The following ACAP2 variants were observed in gnomAD, a reference collection of about 807,000 sequenced individuals.
ACAP2 encodes ArfGAP with coiled-coil, ankyrin repeat and PH domains 2, also known as arf-GAP with coiled-coil, ANK repeat and PH domain-containing protein 2.
A neutral mutation model predicts 115.8 loss-of-function variants in ACAP2; 39 were observed. The ratio of observed to expected loss-of-function variants is 0.34; its 90% CI spans 0.26 to 0.44. The LOEUF (loss-of-function observed/expected upper bound fraction) is 0.44. Among genes scored for constraint, ACAP2 ranks in the 20% least tolerant of loss-of-function variants. The probability of loss-of-function intolerance (pLI) is 1.00; values close to 1 mark genes in which losing one functional copy is unlikely to be tolerated. For synonymous variants in ACAP2, 289 were observed against 315.8 expected, an observed-to-expected ratio of 0.92 and a Z score of 0.90; for missense variants, 662 against 927.6, an observed-to-expected ratio of 0.71 and a Z score of 3.72.
chr3:195,424,244 GGTGT>G (rs58166272), intron 1 of ACAP2, among the ~76,000 whole-genome samples: 1 of 69,614 alleles, frequency 1.4e-5, no homozygotes, highest in Non-Finnish European at 2.7e-5. Context: ...GTGTGTGTGT[GGTGT>G]GTGTGTGTGT....
intron 1 of ACAP2, among the ~76,000 whole-genome samples, chr3:195,422,330 A>G (rs539748527): frequency 4.1e-4 from 62 of 151,688 alleles, no homozygotes; most frequent in African/African-American, 1.5e-3. Context: ...ACACATAATA[A>G]TAACAAAAAA....
intron 1 of ACAP2, among the ~76,000 whole-genome samples, chr3:195,436,385 C>G (rs752240715): frequency 6.6e-6 from 1 of 152,086 alleles, no homozygotes; most frequent in Non-Finnish European, 1.5e-5. Context: ...CTGCCCACCT[C>G]AGCCTCCCAA....
At chr3:195,412,892 A>C (rs936281418) in intron 1 of ACAP2, 2 of 456,426 alleles carry the variant, frequency 4.4e-6, no homozygotes, top group Non-Finnish European at 8.8e-6. Context: ...GCAAGCGGTA[A>C]AACAAGCCCC....
chr3:195,322,650 C>A (rs79347147), intron 9 of ACAP2, among the ~76,000 whole-genome samples: 2,433 of 151,956 alleles, frequency 0.016, 70 homozygotes, highest in African/African-American at 0.056. Context: ...ATTTATTTGA[C>A]GCTACAATTT....
intron 9 of ACAP2, among the ~76,000 whole-genome samples, chr3:195,321,153 A>G (rs570198699): frequency 2.6e-5 from 4 of 152,200 alleles, no homozygotes; most frequent in African/African-American, 9.6e-5. Flanking sequence ...ATACAAATAA[A>G]CAAGGGAAAC....
chr3:195,342,354 T>C (rs958162398), intron 6 of ACAP2, 117 bp downstream of exon 6: 2 of 1,010,214 alleles, frequency 2.0e-6, no homozygotes, highest in South Asian at 2.3e-5. Context: ...CCTAAGATTA[T>C]GTTTTAACTT....
At position 195,376,294 on chromosome 3, in the gene ACAP2, G is replaced by A. The variant is rs531548346; in HGVS notation, c.285+4715C>T. Among the ~76,000 whole-genome samples, 65 of 152,086 alleles carry A rather than the reference G, an allele frequency of 4.3e-4. No individual in the cohort carries two copies. In the Middle Eastern group the frequency reaches 0.017, roughly 40 times the overall value. On this transcript the variant is annotated intron_variant, in intron 4 of 22. Coordinates refer to ENST00000326793, the MANE Select transcript of ACAP2 (RefSeq NM_012287.6). ...CTGTAGTCCCAGCTACTCGGGAGGC[G>A]GATGCACAAGAATCACTTGAACCTG...
At chr3:195,332,521 T>C (rs1213625479) in intron 8 of ACAP2, among the ~76,000 whole-genome samples, 3 of 152,220 alleles carry the variant, frequency 2.0e-5, no homozygotes, top group Non-Finnish European at 4.4e-5. Flanking sequence ...ATAAATCTGC[T>C]ATAGCATCCA....
At chr3:195,396,332 G>C (rs1368868413) in intron 1 of ACAP2, among the ~76,000 whole-genome samples, 1 of 151,330 alleles carries the variant, frequency 6.6e-6, no homozygotes, top group East Asian at 1.9e-4. Flanking sequence ...TGAAATGAAT[G>C]AGGCTCAAAA....
intron 1 of ACAP2, chr3:195,411,089 G>A (rs747083872): frequency 5.1e-5 from 13 of 252,800 alleles, no homozygotes; most frequent in Non-Finnish European, 9.7e-5. Flanking sequence ...AGACTAAGAA[G>A]CCATCTCACA....
intron 7 of ACAP2, among the ~76,000 whole-genome samples, chr3:195,333,852 G>A (rs185008737): frequency 9.9e-5 from 15 of 152,264 alleles, no homozygotes; most frequent in Non-Finnish European, 1.8e-4. Flanking sequence ...TACAATCTAC[G>A]AGAGCACAAG....
intron 1 of ACAP2, among the ~76,000 whole-genome samples, chr3:195,415,861 T>C (rs1273368005): frequency 1.3e-5 from 2 of 152,036 alleles, no homozygotes; most frequent in East Asian, 3.9e-4. Flanking sequence ...AATTTTAGGA[T>C]GAAAAAAACG....
intron 1 of ACAP2, among the ~76,000 whole-genome samples, chr3:195,438,586 C>A (rs1463260201): frequency 3.3e-5 from 5 of 152,114 alleles, no homozygotes. Context: ...AAACCTTTCA[C>A]CTGACTGGGC....
intron 1 of ACAP2, among the ~76,000 whole-genome samples, chr3:195,425,026 CAAAAAAAAAAAAA>C (rs10690317): frequency 4.5e-4 from 12 of 26,654 alleles, no homozygotes; most frequent in South Asian, 1.7e-3. Context: ...GACTCCGTCT[CAAAAAAAAAAAAA>C]AAAAAAAAAA....
intron 6 of ACAP2, among the ~76,000 whole-genome samples, chr3:195,341,296 T>C (rs1001899272): frequency 5.9e-5 from 9 of 151,280 alleles, no homozygotes; most frequent in Non-Finnish European, 1.3e-4. Context: ...TTTGGGTTTT[T>C]TCGTTTGTTT....
intron 8 of ACAP2, among the ~76,000 whole-genome samples, chr3:195,332,034 T>C (rs1730205959): frequency 6.7e-6 from 1 of 149,630 alleles, no homozygotes; most frequent in Non-Finnish European, 1.5e-5. Context: ...CTCAGGAGGC[T>C]GAGGCAGGAG....
chr3:195,283,587 AG>A (rs1476560099), intron 22 of ACAP2, among the ~76,000 whole-genome samples: 2 of 152,360 alleles, frequency 1.3e-5, no homozygotes, highest in East Asian at 3.9e-4. Flanking sequence ...TGATAAGCAG[AG>A]GAAAAACAAA....
At chr3:195,360,664 C>A (rs894808711) in intron 4 of ACAP2, among the ~76,000 whole-genome samples, 1 of 152,086 alleles carries the variant, frequency 6.6e-6, no homozygotes, top group African/African-American at 2.4e-5. Context: ...TGTGGTGGCA[C>A]GTGCCTGTAA....
At chr3:195,351,605 G>A (rs1427271335) in intron 4 of ACAP2, among the ~76,000 whole-genome samples, 2 of 151,616 alleles carry the variant, frequency 1.3e-5, no homozygotes, top group Non-Finnish European at 2.9e-5. Context: ...GGGACCACAG[G>A]CGCCCCCCAC....
Sources: gnomAD v4.1 joint callset for allele counts (sites outside exome capture counted in the v4.1 genomes callset) on GRCh38, gnomAD v4.1.1 for gene constraint, MANE v1.5 for transcripts, NCBI Gene and HGNC (gene_info 2026-07-23, HGNC 2026-07-21) for gene names.